Variants in ZNF597 observed in about 807,000 individuals in gnomAD.
ZNF597 encodes the protein zinc finger protein 597.
Under a neutral mutation model 7.3 loss-of-function variants are expected in ZNF597, and 5 were observed. That is an observed-to-expected ratio of 0.68 (90% CI 0.36 to 1.44). The LOEUF (loss-of-function observed/expected upper bound fraction) is 1.44, where lower values mean the gene tolerates loss of function less well. Ranked by LOEUF, ZNF597 falls within the 40% of genes most tolerant of loss-of-function variation. The pLI is 0.04. For synonymous variants in ZNF597, 209 were observed against 185.4 expected, an observed-to-expected ratio of 1.13 and a Z score of -1.04; for missense variants, 585 against 517.9, an observed-to-expected ratio of 1.13 and a Z score of -1.26.
chr16:3,436,331 C>A lies in ZNF597; in HGVS notation c.*93G>T. 2 of 1,220,052 alleles carry A rather than the reference C, an allele frequency of 1.6e-6. No homozygotes were observed. The highest frequency in any genetic ancestry group is 1.1e-6 in the Non-Finnish European group (1 of 877,138). 75.6% of individuals were successfully genotyped at this position (1,220,052 alleles called of 1,614,324 possible). On this transcript the variant is annotated 3_prime_UTR_variant, in exon 4 of 4. Transcript: ENST00000301744. The stretch of plus-strand genomic sequence containing the variant: ...ATTACATGGGAATGTGTGTAAAGTG[C>A]TTAGCACATTGCCTGGGACATATAC...
chr16:3,440,951 G>C lies in ZNF597; in HGVS notation c.34-18C>G. The C allele has an allele frequency of 6.2e-7, 1 of 1,611,122 alleles. No homozygotes were observed. Among genetic ancestry groups the C allele is most frequent in the South Asian group, 1.1e-5 (1 of 90,652 alleles). On this transcript the variant is annotated intron_variant, in intron 2 of 3. Transcript: ENST00000301744. ...ATTGGTCCCTGAAACACAAGAGCCT[G>C]TGTCAGCACAAGAGGGTGGAGGGTC...
Position 3,433,474 on chromosome 16 carries a change from T to C in ZNF597, c.*2950A>G, listed in dbSNP as rs916805847. ...CACTCTCATAGTGTGTTGATTTCCA[T>C]GCTGCAAAATGCAGTTAACCAATCA... On this transcript the variant is annotated 3_prime_UTR_variant, in exon 4 of 4. Coordinates refer to ENST00000301744, the MANE Select transcript of ZNF597 (RefSeq NM_152457.3). 2.6e-5 allele frequency: 4 copies of C among 152,260 alleles called. No individual in the cohort carries two copies. The highest frequency in any genetic ancestry group is 1.5e-5 in the Non-Finnish European group (1 of 68,042). 9.4% of individuals were successfully genotyped at this position (152,260 alleles called of 1,614,324 possible). A position where few individuals can be genotyped will look rare whatever the true frequency, so the allele number is the denominator to read the frequency against.
chr16:3,443,290 C>T lies in ZNF597; in HGVS notation c.-54+70G>A, dbSNP rs1429631055. On this transcript the variant is annotated intron_variant, in intron 1 of 3. Transcript: ENST00000301744. Reference sequence around the variant, plus strand: ...ACCCCTAGCCTCCCTCGATTCCCTCCGAACCCCCCCTTAAAAACCTACGCC... The same window carrying T: ...ACCCCTAGCCTCCCTCGATTCCCTCTGAACCCCCCCTTAAAAACCTACGCC... 4.8e-6 allele frequency: 4 copies of T among 830,238 alleles called. No homozygotes were observed. The Admixed American group carries it at 9.5e-5, about 20-fold the overall frequency. 51.4% of individuals were successfully genotyped at this position (830,238 alleles called of 1,614,324 possible). A position where few individuals can be genotyped will look rare whatever the true frequency, so the allele number is the denominator to read the frequency against.
In ZNF597 at chr16:3,439,066, T is replaced by C. The variant is rs1172777380; in HGVS notation, c.161-1528A>G. On this transcript the variant is annotated intron_variant, in intron 3 of 3. Coordinates refer to ENST00000301744, the MANE Select transcript of ZNF597 (RefSeq NM_152457.3). ...CTGTTCAGAAAGAGAGCTCAGGTCA[T>C]CTACATGGGGTCCCCTTAAGACTTT... Among the ~76,000 whole-genome samples, 3 of 152,082 alleles carry C rather than the reference T, an allele frequency of 2.0e-5. No individual in the cohort carries two copies. In the East Asian group the frequency reaches 5.8e-4, roughly 29 times the overall value.
At chr16:3,441,773 A>G (rs1234243177) in intron 2 of ZNF597, among the ~76,000 whole-genome samples, 1 of 151,698 alleles carries the variant, frequency 6.6e-6, no homozygotes, top group African/African-American at 2.4e-5. Flanking sequence ...ACAAAAACAA[A>G]AACAAAACAA....
chr16:3,440,760 C>G, intron 3 of ZNF597, 47 bp downstream of exon 3: 2 of 1,608,902 alleles, frequency 1.2e-6, no homozygotes, highest in Non-Finnish European at 8.5e-7. Context: ...AAGTTCTCCT[C>G]CTAGAATTGA....
Position 3,436,895 on chromosome 16 carries a change from G to A in ZNF597, c.804C>T (p.Tyr268=), listed in dbSNP as rs750894147. 9.3e-6 allele frequency: 15 copies of A among 1,614,058 alleles called. No homozygotes were observed. The highest frequency in any genetic ancestry group is 3.3e-5 in the Admixed American group (2 of 60,010). Residue 268 remains tyrosine (Y), a synonymous_variant, in exon 4 of 4, where the codon TAC becomes TAT. Coordinates refer to ENST00000301744, the MANE Select transcript of ZNF597 (RefSeq NM_152457.3). ...HQKSHSAENT[Y]ESTNCDKHFN... is the part of the protein sequence containing the mutation. ...AATGTTTATCACAGTTAGTAGATTC[G>A]TAGGTGTTTTCAGCACTGTGGCTTT... is the stretch of plus-strand genomic sequence containing the variant.
At chr16:3,441,065 C>A in intron 2 of ZNF597, 132 bp from the exon 3 acceptor site, 1 of 1,284,928 alleles carries the variant, frequency 7.8e-7, no homozygotes, top group Non-Finnish European at 1.0e-6. Context: ...TTCTTGAGCG[C>A]AGAAGTAGGG....
In ZNF597 at chr16:3,443,180, AGACGCCAC is replaced by A. The variant is rs760933868; in HGVS notation, c.-35_-28del. On this transcript the variant is annotated 5_prime_UTR_variant, in exon 2 of 4. The change abolishes the stop of an existing upstream ORF in the 5' untranslated region. Transcript: ENST00000301744. ...TGGCGGGTGGGGAATGCCTTCTTCA[AGACGCCAC>A]AGGGACTTCGTGACAAAGCTGCGGG... 1 of 1,609,010 alleles carries A rather than the reference AGACGCCAC, an allele frequency of 6.2e-7. No individual in the cohort carries two copies. The highest frequency in any genetic ancestry group is 2.2e-5 in the East Asian group (1 of 44,806).
rs536700138 is a variant in ZNF597, at chr16:3,433,422, G to A, written c.*3002C>T. 2 of 152,344 alleles carry A rather than the reference G, an allele frequency of 1.3e-5. No homozygotes were observed. The highest frequency in any genetic ancestry group is 6.5e-5 in the Admixed American group (1 of 15,304). The allele number at this position is 152,344 out of a possible 1,614,324, so 9.4% of individuals were successfully genotyped here. On this transcript the variant is annotated 3_prime_UTR_variant, in exon 4 of 4. Coordinates refer to ENST00000301744, the MANE Select transcript of ZNF597 (RefSeq NM_152457.3). ...ACGACAAAAACGGAGAAATTTGTCT[G>A]AGTCAATTTATTCAGCACAAAGTTT...
Position 3,436,881 on chromosome 16 carries a change from C to A in ZNF597, c.818G>T (p.Cys273Phe). 1 of 1,614,166 alleles carries A rather than the reference C, an allele frequency of 6.2e-7. No individual in the cohort carries two copies. The highest frequency in any genetic ancestry group is 8.5e-7 in the Non-Finnish European group (1 of 1,180,032). The change falls in exon 4 of 4, where the codon TGT becomes TTT. Residue 273 changes from cysteine (C) to phenylalanine (F), a missense_variant. Transcript: ENST00000301744. Reference sequence around the variant, plus strand: ...TGGTTTCTCATTAAAATGTTTATCACAGTTAGTAGATTCGTAGGTGTTTTC... The same window carrying A: ...TGGTTTCTCATTAAAATGTTTATCAAAGTTAGTAGATTCGTAGGTGTTTTC... ...SAENTYESTNCDKHFNEKPNL... is the reference protein window; with the variant it reads ...SAENTYESTNFDKHFNEKPNL...
chr16:3,433,416 T>C lies in ZNF597; in HGVS notation c.*3008A>G, dbSNP rs769149953. Reference sequence around the variant, plus strand: ...GCATCAACGACAAAAACGGAGAAATTTGTCTGAGTCAATTTATTCAGCACA... The same window carrying C: ...GCATCAACGACAAAAACGGAGAAATCTGTCTGAGTCAATTTATTCAGCACA... On this transcript the variant is annotated 3_prime_UTR_variant, in exon 4 of 4. Coordinates refer to ENST00000301744, the MANE Select transcript of ZNF597 (RefSeq NM_152457.3). 6 of 152,200 alleles carry C rather than the reference T, an allele frequency of 3.9e-5. No individual in the cohort carries two copies. Among genetic ancestry groups the C allele is most frequent in the Non-Finnish European group, 2.9e-5 (2 of 68,028 alleles). The allele number at this position is 152,200 out of a possible 1,614,324, so 9.4% of individuals were successfully genotyped here. A position where few individuals can be genotyped will look rare whatever the true frequency, so the allele number is the denominator to read the frequency against.
chr16:3,439,523 G>C (rs951665966), intron 3 of ZNF597, among the ~76,000 whole-genome samples: 10 of 151,950 alleles, frequency 6.6e-5, no homozygotes, highest in Non-Finnish European at 1.5e-4. Context: ...AAAGTGGAAA[G>C]ACATAAGACA....
chr16:3,438,424 G>A (rs993852448), intron 3 of ZNF597, among the ~76,000 whole-genome samples: 10 of 151,804 alleles, frequency 6.6e-5, no homozygotes, highest in Admixed American at 1.3e-4. Flanking sequence ...TTAGCTGGGC[G>A]TGGTGGCCTG....
In ZNF597 at chr16:3,443,380, G is replaced by T; in HGVS notation, c.-74C>A. On this transcript the variant is annotated 5_prime_UTR_variant, in exon 1 of 4. Coordinates refer to ENST00000301744, the MANE Select transcript of ZNF597 (RefSeq NM_152457.3). ...CTTACCGCTCCGCGGTTAATAACAG[G>T]CCTCGCGCTCCCTGACAGGAGCTGC... The T allele has an allele frequency of 1.8e-6, 1 of 554,932 alleles. No individual in the cohort carries two copies. Among genetic ancestry groups the T allele is most frequent in the Non-Finnish European group, 3.1e-6 (1 of 320,036 alleles). The allele number at this position is 554,932 out of a possible 1,614,324, so 34.4% of individuals were successfully genotyped here. A position where few individuals can be genotyped will look rare whatever the true frequency, so the allele number is the denominator to read the frequency against.
chr16:3,442,950 G>A (rs2034412809), intron 2 of ZNF597, among the ~76,000 whole-genome samples, 171 bp downstream of exon 2: 1 of 152,202 alleles, frequency 6.6e-6, no homozygotes, highest in Non-Finnish European at 1.5e-5. Context: ...AAGGAAGTTG[G>A]TAAACCATTA....
In ZNF597 at chr16:3,436,886, A is replaced by G. The variant is rs149216873; in HGVS notation, c.813T>C (p.Thr271=). The change falls in exon 4 of 4, where the codon ACT becomes ACC. Residue 271 remains threonine, a synonymous_variant. Transcript: ENST00000301744. ...TCTCATTAAAATGTTTATCACAGTT[A>G]GTAGATTCGTAGGTGTTTTCAGCAC... is the stretch of plus-strand genomic sequence containing the variant. ...SHSAENTYES[T]NCDKHFNEKP... 1.2e-6 allele frequency: 2 copies of G among 1,614,058 alleles called. No homozygotes were observed. Among genetic ancestry groups the G allele is most frequent in the Non-Finnish European group, 1.7e-6 (2 of 1,180,042 alleles).
At chr16:3,438,818 G>C (rs899704128) in intron 3 of ZNF597, among the ~76,000 whole-genome samples, 12 of 152,100 alleles carry the variant, frequency 7.9e-5, no homozygotes, top group Non-Finnish European at 1.6e-4. Flanking sequence ...TATTTTCCAA[G>C]TATTCTTCAG....
chr16:3,439,980 G>A (rs1053249520), intron 3 of ZNF597, among the ~76,000 whole-genome samples: 1 of 152,120 alleles, frequency 6.6e-6, no homozygotes, highest in South Asian at 2.1e-4. Flanking sequence ...CAAAATATGA[G>A]TTATTCAGAA....
Sources: gnomAD v4.1 joint callset for allele counts (sites outside exome capture counted in the v4.1 genomes callset) on GRCh38, gnomAD v4.1.1 for gene constraint, MANE v1.5 for transcripts, NCBI Gene and HGNC (gene_info 2026-07-23, HGNC 2026-07-21) for gene names.